FAT4: variants seen among roughly 807,000 people sequenced by gnomAD.
FAT4 encodes protocadherin Fat 4.
Under a neutral mutation model 303.9 loss-of-function variants are expected in FAT4, and 84 were observed. The observed-to-expected ratio is 0.28, with a 90% confidence interval of 0.23 to 0.33. The LOEUF (loss-of-function observed/expected upper bound fraction) is 0.33, where lower values mean the gene tolerates loss of function less well. FAT4 is among the 10% of genes least tolerant of loss of function. FAT4 has a pLI of 1.00. For synonymous variants in FAT4, 2,307 were observed against 2,298.8 expected, an observed-to-expected ratio of 1.00 and a Z score of -0.10; for missense variants, 6,005 against 6,146.8, an observed-to-expected ratio of 0.98 and a Z score of 0.77.
chr4:125,407,092 A>T lies in FAT4; in HGVS notation c.5520A>T (p.Lys1840Asn). 1 of 1,613,650 alleles carries T rather than the reference A, an allele frequency of 6.2e-7. No individual in the cohort carries two copies. The highest frequency in any genetic ancestry group is 8.5e-7 in the Non-Finnish European group (1 of 1,179,800). Residue 1840 changes from lysine to asparagine, a missense_variant, in exon 4 of 18, where the codon AAA becomes AAT. Physicochemically the swap from Lys to Asn is moderately conservative, Grantham distance 94. Transcript: ENST00000394329. ...TVSDVNDHTP[K>N]FSRPVYSFDI... ...GTGATGTGAATGACCATACACCCAAATTTTCCAGACCCGTGTACTCTTTTG... is the reference window on the plus strand; with the variant it reads ...GTGATGTGAATGACCATACACCCAATTTTTCCAGACCCGTGTACTCTTTTG...
Position 125,316,271 on chromosome 4 carries a change from T to G in FAT4, c.-12-129T>G. On this transcript the variant is annotated intron_variant, in intron 1 of 17. Transcript: ENST00000394329. This position sits in a 1 kb window ranked among gnomAD's most constrained non-coding sequence, Gnocchi z 5.7. ...CTGATGCTACTTGCTTTTGCCGGAC[T>G]GGAGGTTCTTTGAAATAGCAGAGGT... The G allele has an allele frequency of 8.7e-7, 1 of 1,144,128 alleles. No homozygotes were observed. Among genetic ancestry groups the G allele is most frequent in the Non-Finnish European group, 1.2e-6 (1 of 813,582 alleles). The allele number at this position is 1,144,128 out of a possible 1,614,324, so 70.9% of individuals were successfully genotyped here.
intron 13 of FAT4, among the ~76,000 whole-genome samples, 177 bp from the exon 14 acceptor site, chr4:125,476,978 C>T (rs1025720635): frequency 1.6e-4 from 24 of 151,568 alleles, no homozygotes; most frequent in African/African-American, 3.4e-4. Context: ...TTTCATAATT[C>T]GGAAGTCTAA....
intron 7 of FAT4, among the ~76,000 whole-genome samples, chr4:125,430,159 A>T (rs75334448): frequency 0.051 from 4 of 78 alleles, no homozygotes; most frequent in Non-Finnish European, 0.12. Context: ...TTAAAGTATA[A>T]AAAAAAAAAA....
At chr4:125,365,317 G>A (rs1732835034) in intron 2 of FAT4, among the ~76,000 whole-genome samples, 1 of 152,182 alleles carries the variant, frequency 6.6e-6, no homozygotes, top group Non-Finnish European at 1.5e-5. Context: ...CATTTGGAGT[G>A]TAGTATCCAT....
At chr4:125,381,800 T>C (rs1733552941) in intron 2 of FAT4, among the ~76,000 whole-genome samples, 1 of 152,230 alleles carries the variant, frequency 6.6e-6, no homozygotes. Flanking sequence ...TAGAATGTCA[T>C]TCAAAACTGG....
chr4:125,476,115 A>AGACAG, intron 12 of FAT4, 56 bp from the exon 13 acceptor site: 1 of 1,032,586 alleles, frequency 9.7e-7, no homozygotes, highest in Non-Finnish European at 1.4e-6. Context: ...TTGGCTGGAA[A>AGACAG]GGCTAATAGG....
At chr4:125,426,732 A>T (rs115648355) in intron 7 of FAT4, among the ~76,000 whole-genome samples, 2 of 152,048 alleles carry the variant, frequency 1.3e-5, no homozygotes, top group Non-Finnish European at 2.9e-5. Context: ...TTGAAATTTG[A>T]TAAAACAGTT....
intron 2 of FAT4, among the ~76,000 whole-genome samples, chr4:125,339,220 G>A (rs1040767111): frequency 6.6e-6 from 1 of 152,076 alleles, no homozygotes; most frequent in African/African-American, 2.4e-5. Flanking sequence ...CTGGAGTACA[G>A]TGGCACGATC....
chr4:125,404,901 G>C (rs560302639), intron 3 of FAT4, among the ~76,000 whole-genome samples: 1 of 151,774 alleles, frequency 6.6e-6, no homozygotes, highest in Non-Finnish European at 1.5e-5. Flanking sequence ...GCAGGATTTC[G>C]TTTTGTTTTT....
Position 125,318,659 on chromosome 4 carries a change from G to C in FAT4, c.2248G>C (p.Ala750Pro), listed in dbSNP as rs755138266. ...GAGTGGGGTTATTTCTACAAGAATG[G>C]CCCTAGACAGAGAAGAAAAAACAGC... ...AQSGVISTRM[A>P]LDREEKTAYQ... The change falls in exon 2 of 18, where the codon GCC becomes CCC. Residue 750 changes from alanine (A) to proline (P), a missense_variant. Coordinates refer to ENST00000394329, the MANE Select transcript of FAT4 (RefSeq NM_001291303.3). The C allele has an allele frequency of 1.2e-6, 2 of 1,614,074 alleles. No individual in the cohort carries two copies. The highest frequency in any genetic ancestry group is 1.1e-5 in the South Asian group (1 of 91,072).
intron 2 of FAT4, among the ~76,000 whole-genome samples, chr4:125,388,405 A>C (rs1296946612): frequency 6.6e-6 from 1 of 152,170 alleles, no homozygotes; most frequent in Non-Finnish European, 1.5e-5. Context: ...AGGCAAAAAA[A>C]GAGAAGAAAA....
chr4:125,359,760 T>C (rs1238083593), intron 2 of FAT4, among the ~76,000 whole-genome samples: 1 of 152,222 alleles, frequency 6.6e-6, no homozygotes, highest in African/African-American at 2.4e-5. Flanking sequence ...AACTATGTGA[T>C]ACCAGCATTC....
chr4:125,316,492 G>A lies in FAT4; in HGVS notation c.81G>A (p.Val27=), dbSNP rs560877653. 6.2e-6 allele frequency: 10 copies of A among 1,613,952 alleles called. No individual in the cohort carries two copies. In the East Asian group the frequency reaches 2.0e-4, roughly 32 times the overall value. ...TATCAGTATCTCAGCTCCTTCGAGT[G>A]TTTTGGCTACTGTCATTGCTTCCGG... The part of the protein sequence containing the change: ...HTLSVSQLLR[V]FWLLSLLPGQ... The change falls in exon 2 of 18, where the codon GTG becomes GTA. Residue 27 remains valine (V), a synonymous_variant. Coordinates refer to ENST00000394329, the MANE Select transcript of FAT4 (RefSeq NM_001291303.3). The surrounding 1 kb of genome is among the most constrained non-coding windows in gnomAD (Gnocchi z 5.7).
intron 2 of FAT4, among the ~76,000 whole-genome samples, chr4:125,328,770 C>T (rs889848764): frequency 6.6e-6 from 1 of 152,108 alleles, no homozygotes; most frequent in African/African-American, 2.4e-5. Flanking sequence ...AATACTGAGG[C>T]TCATGGAGGT....
intron 8 of FAT4, among the ~76,000 whole-genome samples, chr4:125,440,604 T>TGAGAGA (rs1263364626): frequency 6.5e-4 from 23 of 35,598 alleles, no homozygotes; most frequent in East Asian, 4.2e-3. Context: ...TGTGTGTGTG[T>TGAGAGA]GTGTGTGAGA....
chr4:125,480,027 A>G (rs1358650159), intron 15 of FAT4, among the ~76,000 whole-genome samples, 162 bp downstream of exon 15: 1 of 152,208 alleles, frequency 6.6e-6, no homozygotes, highest in African/African-American at 2.4e-5. Context: ...TTTAAAAATT[A>G]TTTTTGTAAC....
chr4:125,418,225 A>T (rs975942687), intron 7 of FAT4, among the ~76,000 whole-genome samples: 8 of 152,192 alleles, frequency 5.3e-5, no homozygotes, highest in South Asian at 2.1e-4. Context: ...TTTCAAAAAA[A>T]TTTTGAGAGT....
chr4:125,320,227 A>G lies in FAT4; in HGVS notation c.3816A>G (p.Lys1272=). 1 of 1,614,156 alleles carries G rather than the reference A, an allele frequency of 6.2e-7. No individual in the cohort carries two copies. ...CTGGTCAGGTAACACTAATTGGCAA[A>G]TTAGACTATGAAGCAACACCTGCCT... ...STSGQVTLIG[K]LDYEATPAYS... Residue 1272 remains lysine (K), a synonymous_variant, in exon 2 of 18, where the codon AAA becomes AAG. Coordinates refer to ENST00000394329, the MANE Select transcript of FAT4 (RefSeq NM_001291303.3).
In FAT4 at chr4:125,450,496, C is replaced by G; in HGVS notation, c.9486C>G (p.His3162Gln). 6.2e-7 allele frequency: 1 copy of G among 1,614,044 alleles called. No homozygotes were observed. Residue 3162 changes from histidine to glutamine, a missense_variant, in exon 10 of 18, where the codon CAC becomes CAG. Coordinates refer to ENST00000394329, the MANE Select transcript of FAT4 (RefSeq NM_001291303.3). ...TTGATTATGAGCTATGCCAGAAACA[C>G]GAAATGACGATTAGTGCTATAGATG... ...KALDYELCQK[H>Q]EMTISAIDGG...
Sources: gnomAD v4.1 joint callset for allele counts (sites outside exome capture counted in the v4.1 genomes callset) on GRCh38, gnomAD v4.1.1 for gene constraint, Gnocchi (gnomAD v3.1) non-coding constraint, MANE v1.5 for transcripts, NCBI Gene and HGNC (gene_info 2026-07-23, HGNC 2026-07-21) for gene names.